The following GALNT14 variants were observed in gnomAD, a reference collection of about 807,000 sequenced individuals.
GALNT14 encodes polypeptide N-acetylgalactosaminyltransferase 14.
GALNT14 carries 60 observed loss-of-function variants against 77.5 expected under a neutral mutation model. The ratio of observed to expected loss-of-function variants is 0.77; its 90% CI spans 0.63 to 0.96. The LOEUF (loss-of-function observed/expected upper bound fraction) is 0.96. GALNT14 is among the 40% of genes least tolerant of loss of function. The pLI, the probability that GALNT14 is intolerant of heterozygous loss-of-function variation, is 0.00. For missense variants in GALNT14, 710 were observed against 731.0 expected (o/e 0.97, Z 0.33); for synonymous variants, 280 against 281.7 (o/e 0.99, Z 0.06).
At chr2:30,958,494 G>A in intron 3 of GALNT14, 30 bp from the exon 4 acceptor site, 1 of 1,581,384 alleles carries the variant, frequency 6.3e-7, no homozygotes, top group Non-Finnish European at 8.7e-7. Context: ...AAAAATCACT[G>A]GAACTTCTAG....
intron 2 of GALNT14, among the ~76,000 whole-genome samples, chr2:30,978,312 C>T (rs1401008464): frequency 6.6e-6 from 1 of 152,260 alleles, no homozygotes; most frequent in Non-Finnish European, 1.5e-5. Context: ...GACTATTCCC[C>T]TTTCTAAATC....
At chr2:31,083,555 T>A (rs1676261616) in intron 1 of GALNT14, among the ~76,000 whole-genome samples, 1 of 152,096 alleles carries the variant, frequency 6.6e-6, no homozygotes, top group African/African-American at 2.4e-5. Context: ...AGCTCAAAGG[T>A]CCCATCCTTC....
chr2:31,076,629 A>ATATATATATATATAT (rs1553373502), intron 1 of GALNT14, among the ~76,000 whole-genome samples: 8 of 101,892 alleles, frequency 7.9e-5, no homozygotes, highest in African/African-American at 2.5e-4. Flanking sequence ...ATATATATAT[A>ATATATATATATATAT]TTTTTTTTTT....
At position 30,981,094 on chromosome 2, in the gene GALNT14, T is replaced by A. The variant is rs183735402; in HGVS notation, c.299+11744A>T. ...CTTACTCTAAGGGCTTACTGCATGG[T>A]TCATCCTCTCCTGTAGGAATTATCC... On this transcript the variant is annotated intron_variant, in intron 2 of 14. Transcript: ENST00000349752. Among the ~76,000 whole-genome samples, 94 of 152,328 alleles carry A rather than the reference T, an allele frequency of 6.2e-4. 1 individual carries two copies. Among genetic ancestry groups the A allele is most frequent in the African/African-American group, 2.2e-3 (93 of 41,576 alleles).
chr2:31,067,809 A>G (rs562097762), intron 1 of GALNT14, among the ~76,000 whole-genome samples: 16 of 152,326 alleles, frequency 1.1e-4, no homozygotes, highest in African/African-American at 3.8e-4. Flanking sequence ...GACAAGGATT[A>G]AGGCTCAGAA....
At chr2:31,052,364 C>T (rs922364808) in intron 1 of GALNT14, among the ~76,000 whole-genome samples, 1 of 152,192 alleles carries the variant, frequency 6.6e-6, no homozygotes, top group African/African-American at 2.4e-5. Flanking sequence ...GGGTGGATGA[C>T]AGCAGAGAGG....
intron 1 of GALNT14, among the ~76,000 whole-genome samples, chr2:31,006,116 A>G (rs1269944772): frequency 6.6e-6 from 1 of 152,136 alleles, no homozygotes; most frequent in Admixed American, 6.5e-5. Context: ...GCCTCCCAGG[A>G]CTTTGGCTCC....
At chr2:31,050,102 C>G (rs1673746089) in intron 1 of GALNT14, among the ~76,000 whole-genome samples, 1 of 152,076 alleles carries the variant, frequency 6.6e-6, no homozygotes, top group Non-Finnish European at 1.5e-5. Context: ...AGTCCTGCGC[C>G]AAGAAAAAGC....
chr2:31,069,941 T>G (rs1281087235), intron 1 of GALNT14, among the ~76,000 whole-genome samples: 2 of 152,028 alleles, frequency 1.3e-5, no homozygotes, highest in Non-Finnish European at 2.9e-5. Flanking sequence ...AGGAAAGAAA[T>G]GCATCAAAGC....
intron 1 of GALNT14, among the ~76,000 whole-genome samples, chr2:31,020,571 G>A (rs1002715838): frequency 2.0e-4 from 31 of 152,220 alleles, no homozygotes; most frequent in East Asian, 3.9e-4. Flanking sequence ...CTGACACCCC[G>A]GGGAAGCTAT....
chr2:30,923,786 T>C (rs1215245328), intron 13 of GALNT14, among the ~76,000 whole-genome samples: 2 of 152,220 alleles, frequency 1.3e-5, no homozygotes, highest in African/African-American at 4.8e-5. Flanking sequence ...AGCTGTGCCA[T>C]TGGCCTTGCC....
At chr2:30,971,842 A>T (rs1668374953) in intron 2 of GALNT14, among the ~76,000 whole-genome samples, 2 of 152,088 alleles carry the variant, frequency 1.3e-5, no homozygotes, top group South Asian at 4.2e-4. Context: ...CAGTCATGTC[A>T]TGATGCGTGC....
chr2:30,914,568 A>C (rs924211962), intron 13 of GALNT14, among the ~76,000 whole-genome samples: 2 of 152,194 alleles, frequency 1.3e-5, no homozygotes, highest in African/African-American at 4.8e-5. Flanking sequence ...TAATTCGGCC[A>C]TGAGTATGAA....
intron 13 of GALNT14, among the ~76,000 whole-genome samples, chr2:30,917,550 C>T (rs368388463): frequency 4.6e-5 from 7 of 152,224 alleles, no homozygotes; most frequent in Non-Finnish European, 7.3e-5. Context: ...AGGGGTGACA[C>T]CACCAGGCAT....
At chr2:31,047,875 A>G (rs543033153) in intron 1 of GALNT14, among the ~76,000 whole-genome samples, 124 of 152,300 alleles carry the variant, frequency 8.1e-4, no homozygotes, top group African/African-American at 2.9e-3. Context: ...CCACAAAGGG[A>G]ATGACACACA....
intron 1 of GALNT14, among the ~76,000 whole-genome samples, chr2:31,134,607 G>A (rs939951332): frequency 6.6e-6 from 1 of 152,242 alleles, no homozygotes; most frequent in African/African-American, 2.4e-5. Flanking sequence ...AGTGAGGGGA[G>A]CCTCCTGTGC....
chr2:30,923,215 AC>A (rs1665147089), intron 13 of GALNT14, among the ~76,000 whole-genome samples: 2 of 151,250 alleles, frequency 1.3e-5, no homozygotes, highest in African/African-American at 4.9e-5. Flanking sequence ...GGCGCATGCC[AC>A]CCTGCCCGGC....
chr2:31,090,760 G>C (rs1159614409), intron 1 of GALNT14, among the ~76,000 whole-genome samples: 1 of 151,574 alleles, frequency 6.6e-6, no homozygotes, highest in African/African-American at 2.4e-5. Flanking sequence ...GGGATTACAG[G>C]CATGAGCCAC....
chr2:31,111,334 C>T (rs1394137066), intron 1 of GALNT14, among the ~76,000 whole-genome samples: 1 of 152,228 alleles, frequency 6.6e-6, no homozygotes, highest in Non-Finnish European at 1.5e-5. Context: ...GCAAAAGGGC[C>T]AGGGCTTAGG....
Sources: gnomAD v4.1 joint callset for allele counts (sites outside exome capture counted in the v4.1 genomes callset) on GRCh38, gnomAD v4.1.1 for gene constraint, MANE v1.5 for transcripts, NCBI Gene and HGNC (gene_info 2026-07-23, HGNC 2026-07-21) for gene names.